The following PACSIN2 variants were observed in gnomAD, a reference collection of about 807,000 sequenced individuals.
PACSIN2 encodes the protein protein kinase C and casein kinase substrate in neurons protein 2.
A neutral mutation model predicts 63.8 loss-of-function variants in PACSIN2; 25 were observed. That is an observed-to-expected ratio of 0.39 (90% CI 0.29 to 0.55). The LOEUF (loss-of-function observed/expected upper bound fraction) is 0.55. Ranked by LOEUF, PACSIN2 falls within the 20% of genes least tolerant of loss-of-function variation. PACSIN2 has a pLI of 0.62. For synonymous variants in PACSIN2, 255 were observed against 256.2 expected, an observed-to-expected ratio of 1.00 and a Z score of 0.05; for missense variants, 518 against 646.9, an observed-to-expected ratio of 0.80 and a Z score of 2.16.
At chr22:42,965,557 T>A (rs913509366) in intron 1 of PACSIN2, among the ~76,000 whole-genome samples, 1 of 152,228 alleles carries the variant, frequency 6.6e-6, no homozygotes, top group Non-Finnish European at 1.5e-5. Context: ...GTGACTGACA[T>A]TAACCAAGAA....
chr22:42,939,066 G>A (rs561566939), intron 1 of PACSIN2, among the ~76,000 whole-genome samples: 1 of 152,298 alleles, frequency 6.6e-6, no homozygotes, highest in East Asian at 1.9e-4. Context: ...AGGTAGGACA[G>A]GCCCCAAGGT....
intron 1 of PACSIN2, among the ~76,000 whole-genome samples, chr22:42,942,102 T>TC (rs1188356106): frequency 6.9e-6 from 1 of 144,710 alleles, no homozygotes; most frequent in African/African-American, 2.6e-5. Flanking sequence ...TAAGAGTTCT[T>TC]TTTTTTTTTT....
At chr22:42,955,880 G>C (rs1325137454) in intron 1 of PACSIN2, among the ~76,000 whole-genome samples, 2 of 152,204 alleles carry the variant, frequency 1.3e-5, no homozygotes, top group East Asian at 1.9e-4. Flanking sequence ...TCAGTTCATA[G>C]CAGAGAAGAT....
chr22:42,994,856 C>A (rs1316141264), intron 1 of PACSIN2, among the ~76,000 whole-genome samples: 2 of 152,202 alleles, frequency 1.3e-5, no homozygotes, highest in Admixed American at 1.3e-4. Context: ...TCGCAGCCAG[C>A]GAATGCAGCT....
intron 2 of PACSIN2, among the ~76,000 whole-genome samples, chr22:42,901,573 G>C (rs903837896): frequency 6.6e-6 from 1 of 152,224 alleles, no homozygotes; most frequent in African/African-American, 2.4e-5. Flanking sequence ...GTCAGGTAGA[G>C]TCAGAGCTAT....
At chr22:42,975,442 T>C (rs950912496) in intron 1 of PACSIN2, among the ~76,000 whole-genome samples, 3 of 96,222 alleles carry the variant, frequency 3.1e-5, no homozygotes, top group African/African-American at 1.4e-4. Flanking sequence ...TCTACAAAAA[T>C]AAAAAATATA....
chr22:42,959,383 G>A (rs1468211643), intron 1 of PACSIN2, among the ~76,000 whole-genome samples: 3 of 152,174 alleles, frequency 2.0e-5, no homozygotes, highest in Middle Eastern at 3.4e-3. Flanking sequence ...TTAGCTACTC[G>A]GTAAGAAAAA....
chr22:42,967,504 G>T (rs984220385), intron 1 of PACSIN2, among the ~76,000 whole-genome samples: 6 of 152,178 alleles, frequency 3.9e-5, no homozygotes, highest in African/African-American at 1.4e-4. Context: ...TTAAACTAAA[G>T]ATCTTTAACT....
chr22:42,983,054 C>A (rs187398348), intron 1 of PACSIN2, among the ~76,000 whole-genome samples: 1 of 151,612 alleles, frequency 6.6e-6, no homozygotes, highest in Non-Finnish European at 1.5e-5. Context: ...CAGTGGCTTA[C>A]AACTGTAATT....
At chr22:42,904,832 G>A (rs948669220) in intron 2 of PACSIN2, among the ~76,000 whole-genome samples, 1 of 152,090 alleles carries the variant, frequency 6.6e-6, no homozygotes, top group Non-Finnish European at 1.5e-5. Flanking sequence ...TGGAATGTGG[G>A]CTCCTCTCCC....
intron 2 of PACSIN2, among the ~76,000 whole-genome samples, chr22:42,902,399 CA>C (rs2146698092): frequency 6.6e-6 from 1 of 152,238 alleles, no homozygotes; most frequent in Admixed American, 6.5e-5. Context: ...CAAAATGCAT[CA>C]AAATAGTGGG....
chr22:42,901,074 T>C (rs1452289986), intron 2 of PACSIN2, among the ~76,000 whole-genome samples: 2 of 152,122 alleles, frequency 1.3e-5, no homozygotes, highest in Admixed American at 1.3e-4. Flanking sequence ...CTAGGACCGG[T>C]TGCCAAGGAT....
At position 42,870,499 on chromosome 22, in the gene PACSIN2, A is replaced by G. The variant is rs1264171687; in HGVS notation, c.*858T>C. On this transcript the variant is annotated 3_prime_UTR_variant, in exon 11 of 11. Transcript: ENST00000263246. The stretch of plus-strand genomic sequence containing the variant: ...ATATACAGATAGACACTGAGACATG[A>G]CAGTCTAATCTAAAGCATCTTTACA... The G allele has an allele frequency of 1.6e-4, 24 of 152,250 alleles. No individual in the cohort carries two copies. The highest frequency in any genetic ancestry group is 1.5e-3 in the Admixed American group (23 of 15,280). 9.4% of individuals were successfully genotyped at this position (152,250 alleles called of 1,614,324 possible). A position where few individuals can be genotyped will look rare whatever the true frequency, so the allele number is the denominator to read the frequency against.
At chr22:42,980,499 C>T (rs948616909) in intron 1 of PACSIN2, among the ~76,000 whole-genome samples, 1 of 143,572 alleles carries the variant, frequency 7.0e-6, no homozygotes, top group Non-Finnish European at 1.5e-5. Flanking sequence ...TCCCCCTCCC[C>T]CTCTCCCTCT....
chr22:42,918,697 G>A lies in PACSIN2; in HGVS notation c.-77-6540C>T, dbSNP rs551750099. The stretch of plus-strand genomic sequence containing the variant: ...CCAGAATCCGGCAATCTCTGGCAGC[G>A]AAAAGAAGAAAGGGCAGGAGGATTC... On this transcript the variant is annotated intron_variant, in intron 1 of 10. Coordinates refer to ENST00000263246, the MANE Select transcript of PACSIN2 (RefSeq NM_001184970.3). 9.9e-5 allele frequency among the ~76,000 whole-genome samples: 15 copies of A among 152,262 alleles called. No homozygotes were observed. In the East Asian group the frequency reaches 1.7e-3, roughly 18 times the overall value.
intron 1 of PACSIN2, among the ~76,000 whole-genome samples, chr22:42,961,140 A>G (rs934533128): frequency 2.6e-5 from 4 of 152,236 alleles, no homozygotes; most frequent in African/African-American, 9.7e-5. Context: ...GCAAAAGAAC[A>G]TACTGCAAGG....
intron 10 of PACSIN2, among the ~76,000 whole-genome samples, chr22:42,874,965 G>A (rs940505839): frequency 1.3e-5 from 2 of 150,272 alleles, no homozygotes. Flanking sequence ...ATTTTCCTGC[G>A]TCAGCCTCCC....
At chr22:42,896,370 TCGA>T (rs1311144764) in intron 2 of PACSIN2, among the ~76,000 whole-genome samples, 7 of 55,078 alleles carry the variant, frequency 1.3e-4, no homozygotes, top group South Asian at 1.1e-3. Context: ...TAAGTAGTAT[TCGA>T]TTGTGTAGTT....
chr22:43,010,398 A>ATATATATATATATATATATTTCT, intron 1 of PACSIN2, among the ~76,000 whole-genome samples: 1 of 126,396 alleles, frequency 7.9e-6, no homozygotes, highest in Admixed American at 8.5e-5. Flanking sequence ...ATATATATAT[A>ATATATATATATATATATATTTCT]TTTTTTTTTA....
Sources: allele counts gnomAD v4.1 joint callset (sites outside exome capture counted in the v4.1 genomes callset), GRCh38; gene constraint gnomAD v4.1.1; transcripts MANE v1.5; gene names NCBI Gene and HGNC (gene_info 2026-07-23, HGNC 2026-07-21).